The following PHF3 variants were observed in gnomAD, a reference collection of about 807,000 sequenced individuals.
PHF3 encodes PHD finger protein 3.
PHF3 carries 41 observed loss-of-function variants against 178.4 expected under a neutral mutation model. That is an observed-to-expected ratio of 0.23 (90% CI 0.18 to 0.30). The LOEUF is 0.30. PHF3 is among the 10% of genes least tolerant of loss of function. The pLI, the probability that PHF3 is intolerant of heterozygous loss-of-function variation, is 1.00. For missense variants in PHF3, 2,346 were observed against 2,398.1 expected (o/e 0.98, Z 0.45); for synonymous variants, 842 against 800.5 (o/e 1.05, Z -0.88).
rs528135110 is a variant in PHF3 at position 63,715,099 on chromosome 6, G to T, written c.*1391G>T. 6.6e-6 allele frequency: 1 copy of T among 152,168 alleles called. No individual in the cohort carries two copies. Among genetic ancestry groups the T allele is most frequent in the South Asian group, 2.1e-4 (1 of 4,824 alleles). The allele number at this position is 152,168 out of a possible 1,614,324, so 9.4% of individuals were successfully genotyped here. On this transcript the variant is annotated 3_prime_UTR_variant, in exon 16 of 16. Coordinates refer to ENST00000262043, the MANE Select transcript of PHF3 (RefSeq NM_001370348.2). Reference sequence around the variant, plus strand: ...ACAAAATTGATTGTTTTCCTAAAGAGCTTAAAGATTAGAGTTAAAAATTGG... The same window carrying T: ...ACAAAATTGATTGTTTTCCTAAAGATCTTAAAGATTAGAGTTAAAAATTGG...
At chr6:63,694,042 A>G (rs1467823455) in intron 5 of PHF3, among the ~76,000 whole-genome samples, 3 of 152,220 alleles carry the variant, frequency 2.0e-5, no homozygotes, top group African/African-American at 7.2e-5. Context: ...ATGTCTGACT[A>G]TATAGCGTTC....
chr6:63,662,794 A>G (rs1401250558), intron 2 of PHF3, among the ~76,000 whole-genome samples: 2 of 152,224 alleles, frequency 1.3e-5, no homozygotes, highest in Non-Finnish European at 2.9e-5. Context: ...ATTACATGGA[A>G]GTTTCCTGAA....
intron 2 of PHF3, among the ~76,000 whole-genome samples, chr6:63,652,986 A>G (rs1367880805): frequency 7.9e-6 from 1 of 126,654 alleles, no homozygotes; most frequent in Non-Finnish European, 1.7e-5. Flanking sequence ...CTTTATTATT[A>G]TTATTATTTT....
chr6:63,642,020 A>G (rs1208522861), intron 1 of PHF3, among the ~76,000 whole-genome samples: 1 of 152,200 alleles, frequency 6.6e-6, no homozygotes, highest in East Asian at 1.9e-4. Flanking sequence ...CAATTAGGCT[A>G]TTTTGTTAGT....
chr6:63,656,714 C>T (rs1765250941), intron 2 of PHF3, among the ~76,000 whole-genome samples: 1 of 152,094 alleles, frequency 6.6e-6, no homozygotes, highest in South Asian at 2.1e-4. Flanking sequence ...TTTATCTATA[C>T]CCTCTTTCTT....
At chr6:63,704,441 C>G (rs965676695) in intron 11 of PHF3, among the ~76,000 whole-genome samples, 8 of 151,268 alleles carry the variant, frequency 5.3e-5, no homozygotes, top group African/African-American at 1.9e-4. Flanking sequence ...AACCACTGAT[C>G]TTTTCATTGT....
At chr6:63,676,324 T>A (rs1377062953) in intron 2 of PHF3, among the ~76,000 whole-genome samples, 1 of 152,172 alleles carries the variant, frequency 6.6e-6, no homozygotes, top group East Asian at 1.9e-4. Context: ...GAGAAGACTG[T>A]CAGATACTTA....
In PHF3 at chr6:63,720,814, G is replaced by T. The variant is rs1287163133; in HGVS notation, c.*7106G>T. 2 of 1,550,986 alleles carry T rather than the reference G, an allele frequency of 1.3e-6. No homozygotes were observed. The highest frequency in any genetic ancestry group is 2.7e-5 in the African/African-American group (2 of 72,970). Reference sequence around the variant, plus strand: ...TAGTTTAGAGCCACAAAGTTTTTATGTGGATCAATATCCTCGGAAAGAATT... The same window carrying T: ...TAGTTTAGAGCCACAAAGTTTTTATTTGGATCAATATCCTCGGAAAGAATT... On this transcript the variant is annotated 3_prime_UTR_variant, in exon 16 of 16. Coordinates refer to ENST00000262043, the MANE Select transcript of PHF3 (RefSeq NM_001370348.2).
In PHF3 at chr6:63,685,217, C is replaced by T; in HGVS notation, c.1495C>T (p.Gln499Ter). ...TACAAAACCTGTAATTCATTCTAAG[C>T]AAAACATGACCACAGATGCTCCGAA... ...KHTKPVIHSK[Q>*]NMTTDAPKKI... The change falls in exon 4 of 16, where the codon CAA (glutamine) becomes TAA (stop). Residue 499 changes from glutamine (Q) to a stop codon, truncating the protein, a stop_gained. Coordinates refer to ENST00000262043, the MANE Select transcript of PHF3 (RefSeq NM_001370348.2). LOFTEE classifies it high-confidence loss of function. The T allele has an allele frequency of 6.2e-7, 1 of 1,613,850 alleles. No homozygotes were observed.
intron 5 of PHF3, among the ~76,000 whole-genome samples, chr6:63,693,373 T>C (rs1275787007): frequency 1.3e-5 from 2 of 152,192 alleles, no homozygotes; most frequent in Admixed American, 1.3e-4. Context: ...CCTAGCACTT[T>C]GGGAGGCTGA....
At position 63,715,061 on chromosome 6, in the gene PHF3, T is replaced by C. The variant is rs1198666312; in HGVS notation, c.*1353T>C. The C allele has an allele frequency of 4.6e-5, 7 of 151,850 alleles. No homozygotes were observed. In the East Asian group the frequency reaches 1.2e-3, roughly 25 times the overall value. The allele number at this position is 151,850 out of a possible 1,614,324, so 9.4% of individuals were successfully genotyped here. ...ACTTACCTGTATTAATGAAGAAAAA[T>C]ATAAATAATTCCACAAAATTGATTG... is the stretch of plus-strand genomic sequence containing the variant. On this transcript the variant is annotated 3_prime_UTR_variant, in exon 16 of 16. Coordinates refer to ENST00000262043, the MANE Select transcript of PHF3 (RefSeq NM_001370348.2).
chr6:63,661,645 T>C (rs1385484966), intron 2 of PHF3, among the ~76,000 whole-genome samples: 4 of 152,162 alleles, frequency 2.6e-5, no homozygotes, highest in African/African-American at 9.7e-5. Context: ...CAATCCCAGG[T>C]AGATTTTAAG....
rs944003008 is a variant in PHF3, at chr6:63,724,583, C to A, written c.*10875C>A. ...TTGATAATTTTTATATATCAAAAAT[C>A]TTTTAAAGGTGTTAAATTTTTAGCA... On this transcript the variant is annotated 3_prime_UTR_variant, in exon 16 of 16. Transcript: ENST00000262043. 6.6e-6 allele frequency among the ~76,000 whole-genome samples: 1 copy of A among 151,782 alleles called. No homozygotes were observed. Among genetic ancestry groups the A allele is most frequent in the Non-Finnish European group, 1.5e-5 (1 of 67,940 alleles).
Position 63,703,708 on chromosome 6 carries a change from A to G in PHF3, c.3367+37A>G, listed in dbSNP as rs183449997. On this transcript the variant is annotated intron_variant, in intron 11 of 15. Transcript: ENST00000262043. ...TTTTTCTTCGTAAAATTTTGCATTC[A>G]TTATGAAAGAAGGATACTTAGATAC... 2.1e-4 allele frequency: 332 copies of G among 1,575,644 alleles called. No homozygotes were observed. The African/African-American group carries it at 3.6e-3, about 17-fold the overall frequency.
In PHF3 at chr6:63,692,016, G is replaced by A. The variant is rs1178108173; in HGVS notation, c.2469G>A (p.Val823=). 1 of 1,608,380 alleles carries A rather than the reference G, an allele frequency of 6.2e-7. No individual in the cohort carries two copies. The highest frequency in any genetic ancestry group is 8.5e-7 in the Non-Finnish European group (1 of 1,177,190). Residue 823 remains valine, a synonymous_variant, in exon 5 of 16, where the codon GTG becomes GTA. Coordinates refer to ENST00000262043, the MANE Select transcript of PHF3 (RefSeq NM_001370348.2). ...GAACCAAATATATAGATGATACAGT[G>A]AAGCACAAGGTCAAAATTTTAAAAC... ...NDRTKYIDDT[V]KHKVKILKRE...
chr6:63,713,257 TTC>T lies in PHF3; in HGVS notation c.5670_5671del (p.Ile1890MetfsTer8). 1 of 1,613,934 alleles carries T rather than the reference TTC, an allele frequency of 6.2e-7. No homozygotes were observed. Among genetic ancestry groups the T allele is most frequent in the Non-Finnish European group, 8.5e-7 (1 of 1,179,960 alleles). ...CAGAATTTTTACCAGGTTAAAGACA[TTC>T]GGAGGCCAGAAAGGCGCCATAGTGA... On this transcript the variant is annotated frameshift_variant, in exon 16 of 16. Transcript: ENST00000262043. LOFTEE classifies it high-confidence loss of function.
chr6:63,657,508 A>G (rs1765288217), intron 2 of PHF3, among the ~76,000 whole-genome samples: 1 of 152,180 alleles, frequency 6.6e-6, no homozygotes, highest in Admixed American at 6.5e-5. Context: ...AGTACACTAG[A>G]GAAATGTCAT....
intron 4 of PHF3, among the ~76,000 whole-genome samples, chr6:63,688,503 T>C (rs1161587012): frequency 6.7e-6 from 1 of 149,942 alleles, no homozygotes; most frequent in Non-Finnish European, 1.5e-5. Flanking sequence ...GCCCAGCTTA[T>C]TTTGTATTTT....
Position 63,691,646 on chromosome 6 carries a change from C to A in PHF3, c.2190-91C>A. On this transcript the variant is annotated intron_variant, in intron 4 of 15. Coordinates refer to ENST00000262043, the MANE Select transcript of PHF3 (RefSeq NM_001370348.2). ...GAAAACATGCAAAGTTTCAGAAAAT[C>A]AGATATTGAAAATTTAATTTAGCCT... 5 of 1,081,342 alleles carry A rather than the reference C, an allele frequency of 4.6e-6. No individual in the cohort carries two copies. The South Asian group carries it at 4.9e-5, about 10-fold the overall frequency. The allele number at this position is 1,081,342 out of a possible 1,614,324, so 67.0% of individuals were successfully genotyped here. A position where few individuals can be genotyped will look rare whatever the true frequency, so the allele number is the denominator to read the frequency against.
Sources: gnomAD v4.1 joint callset for allele counts (sites outside exome capture counted in the v4.1 genomes callset) on GRCh38, gnomAD v4.1.1 for gene constraint, MANE v1.5 for transcripts, NCBI Gene and HGNC (gene_info 2026-07-23, HGNC 2026-07-21) for gene names.